EXOC6B: variants seen among roughly 807,000 people sequenced by gnomAD.
EXOC6B encodes SEC15 homolog B.
EXOC6B carries 54 observed loss-of-function variants against 113.5 expected under a neutral mutation model. That is an observed-to-expected ratio of 0.48 (90% CI 0.38 to 0.60). The LOEUF (loss-of-function observed/expected upper bound fraction) is 0.60, where lower values mean the gene tolerates loss of function less well. EXOC6B is among the 20% of genes least tolerant of loss of function. EXOC6B has a pLI of 0.00. For synonymous variants in EXOC6B, 357 were observed against 339.0 expected, an observed-to-expected ratio of 1.05 and a Z score of -0.58; for missense variants, 797 against 977.5, an observed-to-expected ratio of 0.82 and a Z score of 2.46.
chr2:72,436,579 T>C (rs1468967997), intron 18 of EXOC6B, among the ~76,000 whole-genome samples: 1 of 152,188 alleles, frequency 6.6e-6, no homozygotes, highest in African/African-American at 2.4e-5. Flanking sequence ...CTGTATTTCT[T>C]GGAGACTTTG....
At chr2:72,567,476 A>C (rs773710372) in intron 7 of EXOC6B, among the ~76,000 whole-genome samples, 15 of 152,090 alleles carry the variant, frequency 9.9e-5, no homozygotes, top group Non-Finnish European at 2.1e-4. Context: ...ATTAGATTGG[A>C]ATTAGAAGTA....
chr2:72,364,089 A>G (rs185591863), intron 19 of EXOC6B, among the ~76,000 whole-genome samples: 5 of 152,178 alleles, frequency 3.3e-5, no homozygotes, highest in African/African-American at 4.8e-5. Flanking sequence ...TGCACACACC[A>G]CTGGGTAGAA....
intron 1 of EXOC6B, among the ~76,000 whole-genome samples, chr2:72,750,405 C>A (rs1681968324): frequency 6.6e-6 from 1 of 152,084 alleles, no homozygotes; most frequent in Non-Finnish European, 1.5e-5. Flanking sequence ...CCACCTCTAA[C>A]CTAATCTCTC....
chr2:72,795,351 C>G (rs192376399), intron 1 of EXOC6B, among the ~76,000 whole-genome samples: 28 of 152,244 alleles, frequency 1.8e-4, no homozygotes, highest in African/African-American at 6.5e-4. Flanking sequence ...AGCAATAAAT[C>G]AAACAAGTTT....
rs547568938 is a variant in EXOC6B at position 72,276,352 on chromosome 2, G to A, written c.2196+58595C>T. On this transcript the variant is annotated intron_variant, in intron 20 of 21. Coordinates refer to ENST00000272427, the MANE Select transcript of EXOC6B (RefSeq NM_015189.3). ...AAGCTGAATTCCTGCTACTCTCTCA[G>A]TGAGTAGGTATAGAAAAGGAAGTTC... 1.0e-4 allele frequency among the ~76,000 whole-genome samples: 15 copies of A among 150,460 alleles called. No individual in the cohort carries two copies. In the South Asian group the frequency reaches 2.9e-3, roughly 29 times the overall value.
At chr2:72,612,421 T>C (rs1218702587) in intron 6 of EXOC6B, among the ~76,000 whole-genome samples, 1 of 152,162 alleles carries the variant, frequency 6.6e-6, no homozygotes, top group African/African-American at 2.4e-5. Context: ...TCTTTGCCTA[T>C]CCATTATCAA....
chr2:72,343,872 T>C (rs1689169412), intron 19 of EXOC6B, among the ~76,000 whole-genome samples: 1 of 152,164 alleles, frequency 6.6e-6, no homozygotes, highest in African/African-American at 2.4e-5. Context: ...TTCTATGTAA[T>C]GAGTCTTGTA....
intron 20 of EXOC6B, among the ~76,000 whole-genome samples, chr2:72,225,005 T>TATATATATATATATATAA (rs1681137684): frequency 6.7e-6 from 1 of 148,444 alleles, no homozygotes; most frequent in African/African-American, 2.5e-5. Flanking sequence ...TATATATATA[T>TATATATATATATATATAA]AAATACACAT....
chr2:72,245,125 C>T (rs1682569817), intron 20 of EXOC6B, among the ~76,000 whole-genome samples: 1 of 152,120 alleles, frequency 6.6e-6, no homozygotes, highest in African/African-American at 2.4e-5. Flanking sequence ...TGAATATCAA[C>T]AAACTGATTA....
At chr2:72,705,078 A>T (rs1678750261) in intron 6 of EXOC6B, among the ~76,000 whole-genome samples, 1 of 151,060 alleles carries the variant, frequency 6.6e-6, no homozygotes. Context: ...AAAAATCCTC[A>T]ATAAAATACT....
Position 72,729,905 on chromosome 2 carries a change from A to C in EXOC6B, c.464+1102T>G, listed in dbSNP as rs999503857. 3.5e-4 allele frequency among the ~76,000 whole-genome samples: 53 copies of C among 152,064 alleles called. 1 individual carries two copies. Among genetic ancestry groups the C allele is most frequent in the African/African-American group, 1.2e-3 (51 of 41,398 alleles). On this transcript the variant is annotated intron_variant, in intron 5 of 21. Coordinates refer to ENST00000272427, the MANE Select transcript of EXOC6B (RefSeq NM_015189.3). ...AGCTTCACAATTCTTGAGAATTTTG[A>C]ATTTTTATCCATATTTATATTCTTA...
chr2:72,629,750 T>TA (rs1024826206), intron 6 of EXOC6B, among the ~76,000 whole-genome samples: 46 of 152,298 alleles, frequency 3.0e-4, no homozygotes, highest in African/African-American at 1.1e-3. Context: ...AAAACAATGT[T>TA]AAAAATGAAG....
intron 18 of EXOC6B, among the ~76,000 whole-genome samples, chr2:72,429,893 A>G (rs1015621144): frequency 1.2e-4 from 19 of 152,368 alleles, no homozygotes; most frequent in Admixed American, 1.2e-3. Flanking sequence ...AGTCTCTTGC[A>G]TTCTGTGGGC....
chr2:72,269,910 TTAAC>T (rs1684377816), intron 20 of EXOC6B, among the ~76,000 whole-genome samples: 1 of 152,074 alleles, frequency 6.6e-6, no homozygotes, highest in Non-Finnish European at 1.5e-5. Context: ...TTTTTTGAAG[TTAAC>T]TAATCTTTTC....
At chr2:72,539,317 T>C (rs895358640) in intron 8 of EXOC6B, among the ~76,000 whole-genome samples, 9 of 152,232 alleles carry the variant, frequency 5.9e-5, no homozygotes, top group Admixed American at 5.2e-4. Flanking sequence ...GAACTCAATC[T>C]CTGCAGTCCA....
intron 6 of EXOC6B, among the ~76,000 whole-genome samples, chr2:72,654,978 T>A (rs1487932064): frequency 6.6e-6 from 1 of 152,224 alleles, no homozygotes; most frequent in African/African-American, 2.4e-5. Flanking sequence ...CACATATTTA[T>A]CTTTTGAAAA....
At chr2:72,603,184 T>C (rs1484258183) in intron 6 of EXOC6B, among the ~76,000 whole-genome samples, 3 of 151,508 alleles carry the variant, frequency 2.0e-5, no homozygotes, top group Non-Finnish European at 4.4e-5. Flanking sequence ...CTGACAGTCA[T>C]GTCAGAGCCT....
intron 20 of EXOC6B, among the ~76,000 whole-genome samples, chr2:72,257,640 T>C (rs573147830): frequency 6.6e-6 from 1 of 152,320 alleles, no homozygotes; most frequent in Non-Finnish European, 1.5e-5. Flanking sequence ...AATATCCTTA[T>C]GGAGACAGGA....
intron 11 of EXOC6B, among the ~76,000 whole-genome samples, chr2:72,503,808 C>A (rs891740065): frequency 6.6e-6 from 1 of 152,204 alleles, no homozygotes; most frequent in East Asian, 1.9e-4. Context: ...TCCATTCCCA[C>A]TAGCAATGAA....
Sources: allele counts gnomAD v4.1 joint callset (sites outside exome capture counted in the v4.1 genomes callset), GRCh38; gene constraint gnomAD v4.1.1; transcripts MANE v1.5; gene names NCBI Gene and HGNC (gene_info 2026-07-23, HGNC 2026-07-21).